RAI14: variants seen among roughly 807,000 people sequenced by gnomAD.
RAI14 encodes retinoic acid induced 14.
In RAI14, 45 loss-of-function variants were observed where a neutral mutation model predicts 115.4. The ratio of observed to expected loss-of-function variants is 0.39; its 90% CI spans 0.31 to 0.50. RAI14 has a LOEUF of 0.50. RAI14 is among the 20% of genes least tolerant of loss of function. The probability of loss-of-function intolerance (pLI) is 0.85; values close to 1 mark genes in which losing one functional copy is unlikely to be tolerated. For missense variants in RAI14, 939 were observed against 1,131.2 expected, an observed-to-expected ratio of 0.83 and a Z score of 2.44; for synonymous variants, 371 against 415.4, an observed-to-expected ratio of 0.89 and a Z score of 1.30.
intron 2 of RAI14, among the ~76,000 whole-genome samples, chr5:34,701,604 C>G (rs1055690410): frequency 6.6e-6 from 1 of 152,194 alleles, no homozygotes; most frequent in African/African-American, 2.4e-5. Flanking sequence ...AGGCTGCTCC[C>G]CCGCCCGCCT....
chr5:34,806,454 C>T (rs186380752), intron 5 of RAI14, among the ~76,000 whole-genome samples: 38 of 152,170 alleles, frequency 2.5e-4, no homozygotes, highest in African/African-American at 8.2e-4. Context: ...ACTGGGGAGA[C>T]GTGCCAGGAG....
At chr5:34,686,819 G>A in intron 1 of RAI14, 53 bp from the exon 2 acceptor site, 1 of 1,229,666 alleles carries the variant, frequency 8.1e-7, no homozygotes, top group Non-Finnish European at 1.2e-6. Context: ...AATCCAATCA[G>A]GAGAGAATAC....
chr5:34,767,015 C>T (rs1002960558), intron 3 of RAI14, among the ~76,000 whole-genome samples: 2 of 152,110 alleles, frequency 1.3e-5, no homozygotes, highest in African/African-American at 2.4e-5. Flanking sequence ...GTAAGAAGTG[C>T]CTTTCACCTC....
chr5:34,709,129 C>CAAAA (rs35361351), intron 2 of RAI14, among the ~76,000 whole-genome samples: 5 of 96,002 alleles, frequency 5.2e-5, no homozygotes, highest in Admixed American at 1.2e-4. Context: ...GACCCTATCT[C>CAAAA]AAAAAAAAAA....
chr5:34,822,275 A>T (rs937391261), intron 14 of RAI14, among the ~76,000 whole-genome samples: 3 of 76,616 alleles, frequency 3.9e-5, no homozygotes, highest in South Asian at 4.2e-4. Flanking sequence ...TATATATATA[A>T]AATATTATCC....
At chr5:34,793,606 T>A (rs917489734) in intron 3 of RAI14, among the ~76,000 whole-genome samples, 20 of 152,170 alleles carry the variant, frequency 1.3e-4, no homozygotes, top group African/African-American at 4.3e-4. Flanking sequence ...TTTCTTTACA[T>A]GTTATATTTC....
chr5:34,738,144 G>T (rs979986672), intron 2 of RAI14, among the ~76,000 whole-genome samples: 2 of 152,006 alleles, frequency 1.3e-5, no homozygotes, highest in African/African-American at 4.8e-5. Context: ...TTTAGTCCAG[G>T]CCGACCACAG....
intron 16 of RAI14, among the ~76,000 whole-genome samples, chr5:34,826,800 C>G (rs1757499050): frequency 6.6e-6 from 1 of 152,206 alleles, no homozygotes; most frequent in Non-Finnish European, 1.5e-5. Context: ...CTTTCCCCAT[C>G]TCTGGCAGTG....
intron 3 of RAI14, among the ~76,000 whole-genome samples, chr5:34,758,218 TCA>T (rs1197937224): frequency 6.6e-6 from 1 of 152,196 alleles, no homozygotes; most frequent in East Asian, 1.9e-4. Context: ...TCTCTGAACC[TCA>T]GTTTCCTTAC....
At chr5:34,782,589 A>G (rs185721928) in intron 3 of RAI14, among the ~76,000 whole-genome samples, 167 of 152,246 alleles carry the variant, frequency 1.1e-3, no homozygotes, top group African/African-American at 3.7e-3. Flanking sequence ...GTCCTTCTAG[A>G]TGCTTTTTTA....
chr5:34,782,668 A>G (rs1751809793), intron 3 of RAI14, among the ~76,000 whole-genome samples: 1 of 152,192 alleles, frequency 6.6e-6, no homozygotes, highest in South Asian at 2.1e-4. Context: ...TTTAGCTCCT[A>G]CAGTGGGCCA....
rs1311037786 is a variant in RAI14 at position 34,660,104 on chromosome 5, A to G, written c.-49+3629A>G. 2.0e-5 allele frequency among the ~76,000 whole-genome samples: 3 copies of G among 152,098 alleles called. No individual in the cohort carries two copies. The East Asian group carries it at 5.8e-4, about 29-fold the overall frequency. Reference sequence around the variant, plus strand: ...GGTGGGAGGATTGCTTGAGTCCTGGATGTCAAGGCTGCAGTGAGCCTAGAT... The same window carrying G: ...GGTGGGAGGATTGCTTGAGTCCTGGGTGTCAAGGCTGCAGTGAGCCTAGAT... On this transcript the variant is annotated intron_variant, in intron 1 of 17. Coordinates refer to ENST00000265109, the MANE Select transcript of RAI14 (RefSeq NM_015577.3).
chr5:34,675,045 T>C (rs75536496), intron 1 of RAI14, among the ~76,000 whole-genome samples: 17,032 of 151,866 alleles, frequency 0.11, 2,615 homozygotes, highest in African/African-American at 0.35. Flanking sequence ...TACAGGCATG[T>C]ACCACCACAC....
intron 2 of RAI14, chr5:34,687,596 A>T (rs1208832736): frequency 2.8e-5 from 42 of 1,515,636 alleles, no homozygotes; most frequent in Non-Finnish European, 3.7e-5. Context: ...ACACGATAAT[A>T]TTTTTTTAAA....
intron 1 of RAI14, among the ~76,000 whole-genome samples, chr5:34,672,765 C>G (rs1323135282): frequency 6.6e-6 from 1 of 152,120 alleles, no homozygotes; most frequent in Non-Finnish European, 1.5e-5. Context: ...CACCACTATT[C>G]AAGGATTAAC....
chr5:34,679,854 C>G (rs256296), intron 1 of RAI14, among the ~76,000 whole-genome samples: 1 of 151,768 alleles, frequency 6.6e-6, no homozygotes, highest in African/African-American at 2.4e-5. Flanking sequence ...TACAAATATC[C>G]CAATGACGCT....
At chr5:34,659,234 C>T (rs1443659400) in intron 1 of RAI14, among the ~76,000 whole-genome samples, 1 of 152,170 alleles carries the variant, frequency 6.6e-6, no homozygotes, top group Non-Finnish European at 1.5e-5. Context: ...AGTATATTTA[C>T]TCCCTTGCCA....
At chr5:34,713,264 C>T (rs1214601910) in intron 2 of RAI14, among the ~76,000 whole-genome samples, 1 of 151,980 alleles carries the variant, frequency 6.6e-6, no homozygotes, top group Non-Finnish European at 1.5e-5. Context: ...AGAACACAGG[C>T]AGTGGTGAAG....
intron 1 of RAI14, among the ~76,000 whole-genome samples, chr5:34,660,434 C>A (rs1742602942): frequency 6.6e-6 from 1 of 152,168 alleles, no homozygotes; most frequent in Admixed American, 6.5e-5. Flanking sequence ...GAAACTCCAA[C>A]TCAAAGAGAG....
Sources: gnomAD v4.1 joint callset for allele counts (sites outside exome capture counted in the v4.1 genomes callset) on GRCh38, gnomAD v4.1.1 for gene constraint, MANE v1.5 for transcripts, NCBI Gene and HGNC (gene_info 2026-07-23, HGNC 2026-07-21) for gene names.